R3HCC1L: variants seen among roughly 807,000 people sequenced by gnomAD.
R3HCC1L encodes the protein R3H domain and coiled-coil containing 1 like, also known as coiled-coil domain-containing protein R3HCC1L.
A neutral mutation model predicts 59.9 loss-of-function variants in R3HCC1L; 51 were observed. The ratio of observed to expected loss-of-function variants is 0.85; its 90% CI spans 0.68 to 1.07. The LOEUF (loss-of-function observed/expected upper bound fraction) is 1.07. Among genes scored for constraint, R3HCC1L ranks in the 50% least tolerant of loss-of-function variants. The pLI, the probability that R3HCC1L is intolerant of heterozygous loss-of-function variation, is 0.00. For missense variants in R3HCC1L, 965 were observed against 933.0 expected (o/e 1.03, Z -0.45); for synonymous variants, 322 against 315.2 (o/e 1.02, Z -0.23).
intron 4 of R3HCC1L, among the ~76,000 whole-genome samples, chr10:98,177,975 A>C (rs1433134148): frequency 6.6e-6 from 1 of 152,112 alleles, no homozygotes; most frequent in Non-Finnish European, 1.5e-5. Flanking sequence ...AGATGAGTAG[A>C]TTGCAAACAT....
At position 98,217,610 on chromosome 10, in the gene R3HCC1L, A is replaced by G. The variant is rs142641230; in HGVS notation, c.1785+7711A>G. ...GAATCTTTAGATTGCTTTAGGCAGTATGGTCATTTTAACAGTATTAATTTT... is the reference window on the plus strand; with the variant it reads ...GAATCTTTAGATTGCTTTAGGCAGTGTGGTCATTTTAACAGTATTAATTTT... On this transcript the variant is annotated intron_variant, in intron 5 of 9. Coordinates refer to ENST00000298999, the MANE Select transcript of R3HCC1L (RefSeq NM_001351015.2). Among the ~76,000 whole-genome samples the G allele has an allele frequency of 3.0e-3, 456 of 152,276 alleles. 4 individuals are homozygous for G. The highest frequency in any genetic ancestry group is 9.3e-3 in the African/African-American group (387 of 41,560).
At chr10:98,185,178 C>T (rs915387818) in intron 4 of R3HCC1L, among the ~76,000 whole-genome samples, 2 of 151,988 alleles carry the variant, frequency 1.3e-5, no homozygotes, top group African/African-American at 4.8e-5. Flanking sequence ...AAATCTGTTC[C>T]TTTCAGTTTT....
chr10:98,177,713 G>A (rs1192430032), intron 4 of R3HCC1L, among the ~76,000 whole-genome samples: 4 of 152,102 alleles, frequency 2.6e-5, no homozygotes, highest in Non-Finnish European at 4.4e-5. Context: ...ACTTTTTAAC[G>A]ATCGCCATTC....
intron 4 of R3HCC1L, among the ~76,000 whole-genome samples, chr10:98,185,008 T>C (rs7901698): frequency 0.18 from 27,845 of 152,136 alleles, 2,692 homozygotes; most frequent in Non-Finnish European, 0.2. Context: ...TGTGCTGGGT[T>C]CAAGAAAATT....
Position 98,209,364 on chromosome 10 carries a change from G to A in R3HCC1L, c.1250G>A (p.Gly417Glu), listed in dbSNP as rs1695851991. The A allele has an allele frequency of 1.2e-6, 2 of 1,613,844 alleles. No homozygotes were observed. Among genetic ancestry groups the A allele is most frequent in the Admixed American group, 1.7e-5 (1 of 59,988 alleles). ...ACACGAAGTTTCTCAAAGTTTGTAG[G>A]AATGAGTGCAGATGCAACCCCTCTT... ...INTRSFSKFVGMSADATPLHV... is the reference protein window; with the variant it reads ...INTRSFSKFVEMSADATPLHV... The change falls in exon 5 of 10, where the codon GGA becomes GAA. Residue 417 changes from glycine to glutamate, a missense_variant. Gly to Glu is a moderately conservative substitution (Grantham distance 98, BLOSUM62 -2). Transcript: ENST00000298999.
chr10:98,198,523 A>G (rs4919186), intron 4 of R3HCC1L, among the ~76,000 whole-genome samples: 6,373 of 150,078 alleles, frequency 0.042, 185 homozygotes, highest in South Asian at 0.075. Context: ...ACAGTTTCAA[A>G]CATAATAAAA....
chr10:98,152,791 C>T (rs561274937), intron 1 of R3HCC1L, among the ~76,000 whole-genome samples: 180 of 146,380 alleles, frequency 1.2e-3, no homozygotes, highest in Middle Eastern at 4.0e-3. Context: ...CCCCTCCGCC[C>T]GGCAGCCGCC....
intron 5 of R3HCC1L, among the ~76,000 whole-genome samples, chr10:98,230,473 T>G (rs1396252021): frequency 6.6e-6 from 1 of 152,212 alleles, no homozygotes; most frequent in East Asian, 1.9e-4. Flanking sequence ...TTCTCTCTTC[T>G]TTGTTAATCT....
chr10:98,202,429 A>G (rs1219165625), intron 4 of R3HCC1L, among the ~76,000 whole-genome samples: 2 of 152,174 alleles, frequency 1.3e-5, no homozygotes, highest in Non-Finnish European at 2.9e-5. Context: ...ACAGGTGGAA[A>G]TCATGTGCCT....
At chr10:98,227,496 A>T (rs562142894) in intron 5 of R3HCC1L, among the ~76,000 whole-genome samples, 1 of 152,008 alleles carries the variant, frequency 6.6e-6, no homozygotes, top group Non-Finnish European at 1.5e-5. Context: ...GACCTGGGTG[A>T]ACTTTTGATT....
chr10:98,217,705 T>G (rs1854375574), intron 5 of R3HCC1L, among the ~76,000 whole-genome samples: 1 of 152,200 alleles, frequency 6.6e-6, no homozygotes, highest in African/African-American at 2.4e-5. Flanking sequence ...ATCAGTGTTT[T>G]ATAGTTTTCC....
chr10:98,211,186 T>C (rs1218453790), intron 5 of R3HCC1L: 5 of 591,148 alleles, frequency 8.5e-6, no homozygotes, highest in Non-Finnish European at 1.5e-5. Context: ...TTTCATCAGA[T>C]TCTCAAAGGC....
intron 5 of R3HCC1L, among the ~76,000 whole-genome samples, chr10:98,224,144 A>G (rs1855392635): frequency 6.6e-6 from 1 of 151,954 alleles, no homozygotes; most frequent in African/African-American, 2.4e-5. Context: ...GTGTAGGCTC[A>G]TTCTTAGGCC....
At chr10:98,218,352 A>G (rs1854457420) in intron 5 of R3HCC1L, among the ~76,000 whole-genome samples, 2 of 152,080 alleles carry the variant, frequency 1.3e-5, no homozygotes, top group African/African-American at 2.4e-5. Flanking sequence ...CAAATTCAAC[A>G]TAAAAAAAAA....
Position 98,214,004 on chromosome 10 carries a change from C to G in R3HCC1L, c.1785+4105C>G, listed in dbSNP as rs147774204. ...ATCCATTAGTGAATGATGACTAGAT[C>G]TCTGGTCCAAACAGAAAGAGGGAAC... On this transcript the variant is annotated intron_variant, in intron 5 of 9. Coordinates refer to ENST00000298999, the MANE Select transcript of R3HCC1L (RefSeq NM_001351015.2). Among the ~76,000 whole-genome samples, 12 of 152,276 alleles carry G rather than the reference C, an allele frequency of 7.9e-5. No individual in the cohort carries two copies. In the East Asian group the frequency reaches 2.3e-3, roughly 29 times the overall value.
At chr10:98,165,988 A>G (rs539283907) in intron 4 of R3HCC1L, among the ~76,000 whole-genome samples, 3 of 152,360 alleles carry the variant, frequency 2.0e-5, no homozygotes, top group South Asian at 2.1e-4. Context: ...CCTGACCAAC[A>G]TGGTGAAACC....
intron 1 of R3HCC1L, among the ~76,000 whole-genome samples, chr10:98,139,125 A>C (rs1453604759): frequency 6.6e-6 from 1 of 152,168 alleles, no homozygotes; most frequent in Non-Finnish European, 1.5e-5. Context: ...GCCAGCATGG[A>C]GTTTGAGTCT....
intron 4 of R3HCC1L, among the ~76,000 whole-genome samples, chr10:98,206,834 T>G (rs1590705319): frequency 6.6e-6 from 1 of 152,268 alleles, no homozygotes; most frequent in African/African-American, 2.4e-5. Flanking sequence ...TGCCTAAATG[T>G]TAAGGTCATA....
chr10:98,201,009 C>G (rs567271427), intron 4 of R3HCC1L, among the ~76,000 whole-genome samples: 2 of 152,230 alleles, frequency 1.3e-5, no homozygotes, highest in South Asian at 4.2e-4. Flanking sequence ...GAGGGAAAAT[C>G]GTAGACCAGT....
Sources: gnomAD v4.1 joint callset for allele counts (sites outside exome capture counted in the v4.1 genomes callset) on GRCh38, gnomAD v4.1.1 for gene constraint, MANE v1.5 for transcripts, NCBI Gene and HGNC (gene_info 2026-07-23, HGNC 2026-07-21) for gene names.